Variants in CCDC171 observed in about 807,000 individuals in gnomAD.
CCDC171 encodes the protein coiled-coil domain-containing protein 171.
In CCDC171, 177 loss-of-function variants were observed where a neutral mutation model predicts 168.2. The ratio of observed to expected loss-of-function variants is 1.05; its 90% CI spans 0.93 to 1.19. The LOEUF (loss-of-function observed/expected upper bound fraction) is 1.19, where lower values mean the gene tolerates loss of function less well. Among genes scored for constraint, CCDC171 ranks in the 50% most tolerant of loss-of-function variants. CCDC171 has a pLI of 0.00. For missense variants in CCDC171, 1,991 were observed against 1,539.0 expected (o/e 1.29, Z -4.91); for synonymous variants, 687 against 540.8 (o/e 1.27, Z -3.75).
chr9:15,639,723 A>G (rs982877606), intron 7 of CCDC171, among the ~76,000 whole-genome samples: 1 of 152,156 alleles, frequency 6.6e-6, no homozygotes, highest in African/African-American at 2.4e-5. Context: ...TGCATAGTTA[A>G]TCATGATCAA....
At chr9:15,731,836 C>T (rs1010723893) in intron 16 of CCDC171, among the ~76,000 whole-genome samples, 4 of 151,984 alleles carry the variant, frequency 2.6e-5, no homozygotes, top group African/African-American at 9.7e-5. Context: ...TTCCATTGTT[C>T]TACATCCTCT....
chr9:15,784,593 T>C lies in CCDC171; in HGVS notation c.3166T>C (p.Leu1056=), dbSNP rs754993616. 6.2e-7 allele frequency: 1 copy of C among 1,613,214 alleles called. No homozygotes were observed. The highest frequency in any genetic ancestry group is 8.5e-7 in the Non-Finnish European group (1 of 1,179,364). ...TCGGGAAGAGCAGGCACAAATGCTA[T>C]TGAATGAACAGGCACAACAACTACA... ...LLREEQAQML[L]NEQAQQLQEL... The change falls in exon 21 of 26, where the codon TTG becomes CTG. Residue 1056 remains leucine (L), a synonymous_variant. Coordinates refer to ENST00000380701, the MANE Select transcript of CCDC171 (RefSeq NM_173550.4).
chr9:15,623,475 G>GCGCGCTCGCGCGCGCA, intron 7 of CCDC171, 62 bp downstream of exon 7: 9 of 315,440 alleles, frequency 2.9e-5, no homozygotes, highest in Non-Finnish European at 4.6e-5. Context: ...GCGCGCGCGC[G>GCGCGCTCGCGCGCGCA]CACACACACA....
At chr9:15,825,291 A>G (rs2059965701) in intron 21 of CCDC171, among the ~76,000 whole-genome samples, 1 of 152,138 alleles carries the variant, frequency 6.6e-6, no homozygotes, top group East Asian at 1.9e-4. Context: ...GACAATGCAT[A>G]GATCAATATT....
intron 8 of CCDC171, among the ~76,000 whole-genome samples, chr9:15,660,313 C>T (rs986196936): frequency 2.6e-5 from 4 of 152,004 alleles, no homozygotes; most frequent in Non-Finnish European, 5.9e-5. Flanking sequence ...TCTTTGTTTC[C>T]TTTTATGATT....
chr9:15,571,529 T>C, intron 2 of CCDC171, 95 bp from the exon 3 acceptor site: 1 of 1,042,512 alleles, frequency 9.6e-7, no homozygotes, highest in Non-Finnish European at 1.4e-6. Context: ...ATGTTCTCTT[T>C]GTTTTTTGAA....
chr9:15,613,338 A>T lies in CCDC171; in HGVS notation c.676-9929A>T, dbSNP rs1370788098. Among the ~76,000 whole-genome samples the T allele has an allele frequency of 2.6e-5, 4 of 152,274 alleles. No individual in the cohort carries two copies. The East Asian group carries it at 5.8e-4, about 22-fold the overall frequency. On this transcript the variant is annotated intron_variant, in intron 6 of 25. Coordinates refer to ENST00000380701, the MANE Select transcript of CCDC171 (RefSeq NM_173550.4). ...AATGACGTAGAATGAAACCAGTTTT[A>T]GCATAGGTTAATTGATATAAATGAG...
At chr9:15,630,989 A>G (rs1199844868) in intron 7 of CCDC171, among the ~76,000 whole-genome samples, 23 of 152,212 alleles carry the variant, frequency 1.5e-4, no homozygotes, top group Admixed American at 1.5e-3. Flanking sequence ...CAAAGACACA[A>G]CATACCAGAA....
At chr9:15,986,431 A>G (rs932048939) in intron 3 of CCDC171, among the ~76,000 whole-genome samples, 1 of 152,220 alleles carries the variant, frequency 6.6e-6, no homozygotes, top group South Asian at 2.1e-4. Flanking sequence ...TTCTCTTTCC[A>G]GCTGATCCCC....
intron 21 of CCDC171, among the ~76,000 whole-genome samples, chr9:15,787,765 G>T (rs1427973335): frequency 2.0e-5 from 3 of 152,102 alleles, no homozygotes; most frequent in African/African-American, 7.2e-5. Context: ...GGCAACTTTG[G>T]CCCTACCTGG....
At chr9:15,854,820 A>G (rs998006521) in intron 23 of CCDC171, among the ~76,000 whole-genome samples, 8 of 151,588 alleles carry the variant, frequency 5.3e-5, no homozygotes, top group African/African-American at 1.2e-4. Flanking sequence ...AATATTTTCT[A>G]ATTTCTATGA....
intron 3 of CCDC171, among the ~76,000 whole-genome samples, chr9:16,002,579 G>A (rs1213112785): frequency 6.6e-6 from 1 of 152,140 alleles, no homozygotes; most frequent in Non-Finnish European, 1.5e-5. Flanking sequence ...AAAAGTTACA[G>A]TAAGCTAAGG....
At chr9:15,949,759 A>T (rs1330603003) in intron 25 of CCDC171, among the ~76,000 whole-genome samples, 1 of 152,102 alleles carries the variant, frequency 6.6e-6, no homozygotes, top group Non-Finnish European at 1.5e-5. Context: ...AAACAGGGAC[A>T]ATTTGACTTC....
intron 3 of CCDC171, among the ~76,000 whole-genome samples, chr9:15,984,665 T>G (rs1831927312): frequency 6.6e-6 from 1 of 152,094 alleles, no homozygotes; most frequent in South Asian, 2.1e-4. Flanking sequence ...TCAGGCAATG[T>G]TGAGAATCAT....
intron 3 of CCDC171, among the ~76,000 whole-genome samples, chr9:15,999,122 G>T (rs911836333): frequency 2.6e-5 from 4 of 151,752 alleles, no homozygotes; most frequent in African/African-American, 9.7e-5. Flanking sequence ...GAGATGGGAG[G>T]CTTGCTTGAG....
intron 24 of CCDC171, among the ~76,000 whole-genome samples, chr9:15,910,855 G>A (rs1167160130): frequency 6.6e-6 from 1 of 152,136 alleles, no homozygotes; most frequent in African/African-American, 2.4e-5. Context: ...CTTCATCCAT[G>A]TCCCTGCAGA....
chr9:15,563,524 A>G (rs1054070796), intron 1 of CCDC171, among the ~76,000 whole-genome samples: 1 of 152,198 alleles, frequency 6.6e-6, no homozygotes, highest in Non-Finnish European at 1.5e-5. Flanking sequence ...TCACAATGCT[A>G]TATATAAAAT....
chr9:15,684,836 A>G (rs1048931902), intron 10 of CCDC171, among the ~76,000 whole-genome samples: 1 of 152,180 alleles, frequency 6.6e-6, no homozygotes, highest in Non-Finnish European at 1.5e-5. Context: ...TTTGTCAATC[A>G]CAACATTTTC....
chr9:15,844,615 G>T (rs1425096946), intron 21 of CCDC171, among the ~76,000 whole-genome samples: 2 of 151,954 alleles, frequency 1.3e-5, no homozygotes, highest in East Asian at 3.9e-4. Flanking sequence ...AAGGAAGTAT[G>T]AATTATATCA....
Sources: gnomAD v4.1 joint callset for allele counts (sites outside exome capture counted in the v4.1 genomes callset) on GRCh38, gnomAD v4.1.1 for gene constraint, MANE v1.5 for transcripts, NCBI Gene and HGNC (gene_info 2026-07-23, HGNC 2026-07-21) for gene names.